Variants in AJAP1 observed in about 807,000 individuals in gnomAD.
The protein encoded by AJAP1 is adherens junctions associated protein 1, also known as adherens junction-associated protein 1.
AJAP1 carries 5 observed loss-of-function variants against 35.0 expected under a neutral mutation model. The observed-to-expected ratio is 0.14, with a 90% CI of 0.07 to 0.30. The LOEUF is 0.30. Ranked by LOEUF, AJAP1 falls within the 10% of genes least tolerant of loss-of-function variation. AJAP1 has a pLI of 1.00. For synonymous variants in AJAP1, 284 were observed against 249.3 expected (o/e 1.14, Z -1.31); for missense variants, 586 against 571.0 (o/e 1.03, Z -0.27).
intron 1 of AJAP1, among the ~76,000 whole-genome samples, chr1:4,706,076 T>C (rs892691627): frequency 6.6e-6 from 1 of 152,016 alleles, no homozygotes; most frequent in African/African-American, 2.4e-5. Flanking sequence ...CCAATAGAAG[T>C]AGGGTGGAAG....
At chr1:4,691,933 G>A (rs558471009) in intron 1 of AJAP1, among the ~76,000 whole-genome samples, 1 of 152,260 alleles carries the variant, frequency 6.6e-6, no homozygotes, top group South Asian at 2.1e-4. Context: ...GGGACCTGCA[G>A]AGGGACAAGG....
At chr1:4,774,960 A>G (rs980565142) in intron 5 of AJAP1, among the ~76,000 whole-genome samples, 2 of 152,188 alleles carry the variant, frequency 1.3e-5, no homozygotes, top group Non-Finnish European at 2.9e-5. Flanking sequence ...CTAGGGAGGC[A>G]GGAATCGCAC....
chr1:4,716,955 A>C (rs1034597712), intron 2 of AJAP1, among the ~76,000 whole-genome samples: 1 of 152,192 alleles, frequency 6.6e-6, no homozygotes, highest in African/African-American at 2.4e-5. Flanking sequence ...ATCACCTGGC[A>C]CAGGTTCACA....
At chr1:4,658,421 C>G (rs1421905802) in intron 1 of AJAP1, among the ~76,000 whole-genome samples, 3 of 152,322 alleles carry the variant, frequency 2.0e-5, no homozygotes, top group Non-Finnish European at 4.4e-5. Context: ...GCTGTAGAGT[C>G]CCCAGGCAGC....
intron 2 of AJAP1, among the ~76,000 whole-genome samples, chr1:4,717,159 G>C (rs1640411345): frequency 6.6e-6 from 1 of 152,222 alleles, no homozygotes; most frequent in Non-Finnish European, 1.5e-5. Context: ...CATTTTCTGA[G>C]CTTTTATCTT....
chr1:4,789,463 C>A lies in AJAP1; in HGVS notation c.*6978C>A, dbSNP rs1231099519. On this transcript the variant is annotated 3_prime_UTR_variant, in exon 6 of 6. Transcript: ENST00000378191. This position sits in a 1 kb window ranked among gnomAD's most constrained non-coding sequence, Gnocchi z 4.4. ...TTATACAAGTTAATTAGTTTTGTCT[C>A]TGGTGGCTGTCTCTTAAAACAGAAT... The A allele has an allele frequency of 6.6e-6, 1 of 152,206 alleles. No homozygotes were observed. The highest frequency in any genetic ancestry group is 1.5e-5 in the Non-Finnish European group (1 of 68,032). 9.4% of individuals were successfully genotyped at this position (152,206 alleles called of 1,614,324 possible). A position where few individuals can be genotyped will look rare whatever the true frequency, so the allele number is the denominator to read the frequency against.
rs1313965155 is a variant in AJAP1 at position 4,740,658 on chromosome 1, C to G, written c.829+27959C>G. On this transcript the variant is annotated intron_variant, in intron 2 of 5. Transcript: ENST00000378191. ...AAAATTAGCCGGGTGTGGTGGCGGG[C>G]GCCTGTAGTCCCAGCTACTCCAGAG... Among the ~76,000 whole-genome samples, 5 of 151,306 alleles carry G rather than the reference C, an allele frequency of 3.3e-5. No individual in the cohort carries two copies. The East Asian group carries it at 9.9e-4, about 30-fold the overall frequency.
At chr1:4,683,069 C>T (rs1007756864) in intron 1 of AJAP1, among the ~76,000 whole-genome samples, 1 of 152,218 alleles carries the variant, frequency 6.6e-6, no homozygotes, top group Admixed American at 6.5e-5. Flanking sequence ...CGCCAGAGAT[C>T]CAGCACTCTT....
chr1:4,679,952 T>C (rs1183945935), intron 1 of AJAP1, among the ~76,000 whole-genome samples: 1 of 152,074 alleles, frequency 6.6e-6, no homozygotes, highest in Non-Finnish European at 1.5e-5. Flanking sequence ...GAGCTGATGG[T>C]GTAAGCTCTC....
intron 2 of AJAP1, among the ~76,000 whole-genome samples, chr1:4,751,288 G>A (rs965156359): frequency 1.6e-4 from 24 of 152,202 alleles, no homozygotes; most frequent in African/African-American, 5.8e-4. Context: ...CTTCCCTGGT[G>A]GAGGTGGCCA....
chr1:4,766,798 G>T (rs1641695552), intron 2 of AJAP1, among the ~76,000 whole-genome samples: 1 of 152,156 alleles, frequency 6.6e-6, no homozygotes, highest in Non-Finnish European at 1.5e-5. Context: ...GCAGAGAATT[G>T]CGTTTGTCCA....
At chr1:4,674,042 C>CAAAAAAAAAAA (rs57335438) in intron 1 of AJAP1, among the ~76,000 whole-genome samples, 4 of 81,936 alleles carry the variant, frequency 4.9e-5, no homozygotes, top group Non-Finnish European at 9.2e-5. Context: ...CCCCCGCCAC[C>CAAAAAAAAAAA]AAAAAAAAAA....
intron 1 of AJAP1, among the ~76,000 whole-genome samples, chr1:4,660,395 C>T (rs985400035): frequency 1.3e-5 from 2 of 151,988 alleles, no homozygotes; most frequent in South Asian, 2.1e-4. Context: ...TGGAAACGTT[C>T]TCTATCTTGA....
In AJAP1 at chr1:4,696,046, T is replaced by C. The variant is rs1178464075; in HGVS notation, c.30-15854T>C. On this transcript the variant is annotated intron_variant, in intron 1 of 5. Transcript: ENST00000378191. ...AGTAAACCCTGTCCTGAGTGGAGAA[T>C]TGTGTGTGTCTGAAACCCATCTCTC... Among the ~76,000 whole-genome samples the C allele has an allele frequency of 4.6e-5, 7 of 151,962 alleles. No individual in the cohort carries two copies. In the East Asian group the frequency reaches 1.4e-3, roughly 29 times the overall value.
chr1:4,712,098 C>T lies in AJAP1; in HGVS notation c.228C>T (p.Ala76=). The T allele has an allele frequency of 6.4e-7, 1 of 1,553,034 alleles. No homozygotes were observed. Among genetic ancestry groups the T allele is most frequent in the Non-Finnish European group, 8.6e-7 (1 of 1,157,088 alleles). The part of the protein sequence containing the change: ...FRSGQPARVP[A]PVWSPRPPRV... ...GTGGACAGCCAGCGCGGGTCCCGGC[C>T]CCGGTGTGGAGCCCCCGGCCGCCCC... The change falls in exon 2 of 6, where the codon GCC becomes GCT. Residue 76 remains alanine (A), a synonymous_variant. Coordinates refer to ENST00000378191, the MANE Select transcript of AJAP1 (RefSeq NM_018836.4).
rs1373263319 is a variant in AJAP1, at chr1:4,791,501, C to T, written c.*9016C>T. 6.6e-6 allele frequency: 1 copy of T among 152,198 alleles called. No individual in the cohort carries two copies. 9.4% of individuals were successfully genotyped at this position (152,198 alleles called of 1,614,324 possible). A position where few individuals can be genotyped will look rare whatever the true frequency, so the allele number is the denominator to read the frequency against. Reference sequence around the variant, plus strand: ...ATCTCGCCATGGTTAGCACCAGGGACAAGTCTGGCTCTAATGTATGTTTTA... The same window carrying T: ...ATCTCGCCATGGTTAGCACCAGGGATAAGTCTGGCTCTAATGTATGTTTTA... On this transcript the variant is annotated 3_prime_UTR_variant, in exon 6 of 6. Coordinates refer to ENST00000378191, the MANE Select transcript of AJAP1 (RefSeq NM_018836.4).
chr1:4,706,097 T>C (rs1640094788), intron 1 of AJAP1, among the ~76,000 whole-genome samples: 1 of 152,120 alleles, frequency 6.6e-6, no homozygotes, highest in Admixed American at 6.5e-5. Flanking sequence ...TCAGGAAGCA[T>C]CTGGACACGG....
At chr1:4,676,839 G>T (rs920092617) in intron 1 of AJAP1, among the ~76,000 whole-genome samples, 34 of 152,242 alleles carry the variant, frequency 2.2e-4, no homozygotes, top group African/African-American at 7.7e-4. Context: ...CATGTGCAAT[G>T]CTGTTGGCTA....
chr1:4,701,497 C>T (rs1639989112), intron 1 of AJAP1, among the ~76,000 whole-genome samples: 1 of 152,194 alleles, frequency 6.6e-6, no homozygotes, highest in African/African-American at 2.4e-5. Context: ...GACCATCGTT[C>T]CTCCCTTACT....
Sources: allele counts gnomAD v4.1 joint callset (sites outside exome capture counted in the v4.1 genomes callset), GRCh38; gene constraint gnomAD v4.1.1; non-coding constraint Gnocchi (gnomAD v3.1); transcripts MANE v1.5; gene names NCBI Gene and HGNC (gene_info 2026-07-23, HGNC 2026-07-21).